Variants in DLGAP2 observed in about 807,000 individuals in gnomAD.
DLGAP2 encodes disks large-associated protein 2.
Under a neutral mutation model 100.3 loss-of-function variants are expected in DLGAP2, and 26 were observed. That is an observed-to-expected ratio of 0.26 (90% CI 0.19 to 0.36). DLGAP2 has a LOEUF of 0.36. Ranked by LOEUF, DLGAP2 falls within the 10% of genes least tolerant of loss-of-function variation. The probability of loss-of-function intolerance (pLI) is 1.00; values close to 1 mark genes in which losing one functional copy is unlikely to be tolerated. For synonymous variants in DLGAP2, 886 were observed against 630.1 expected (o/e 1.41, Z -6.08); for missense variants, 1,858 against 1,453.2 (o/e 1.28, Z -4.53).
intron 5 of DLGAP2, among the ~76,000 whole-genome samples, chr8:1,557,681 C>T (rs1017259627): frequency 6.6e-5 from 10 of 152,138 alleles, no homozygotes; most frequent in East Asian, 5.8e-4. Flanking sequence ...TGCCCAAGAC[C>T]GTGGAGTCCC....
At chr8:1,171,267 T>C (rs1585119648) in intron 2 of DLGAP2, among the ~76,000 whole-genome samples, 1 of 152,206 alleles carries the variant, frequency 6.6e-6, no homozygotes, top group East Asian at 1.9e-4. Flanking sequence ...TAATTTCTGT[T>C]CTTTTACATG....
rs529166994 is a variant in DLGAP2, at chr8:898,988, C to T, written c.19-8924C>T. Reference sequence around the variant, plus strand: ...CTGCCCCAGAACTCCTGCGTGGGTCCAGCAGAAGGTGTTTAACAAGCCCCC... The same window carrying T: ...CTGCCCCAGAACTCCTGCGTGGGTCTAGCAGAAGGTGTTTAACAAGCCCCC... On this transcript the variant is annotated intron_variant, in intron 1 of 14. Transcript: ENST00000637795. Among the ~76,000 whole-genome samples, 3 of 152,356 alleles carry T rather than the reference C, an allele frequency of 2.0e-5. No individual in the cohort carries two copies. The South Asian group carries it at 6.2e-4, about 32-fold the overall frequency.
At chr8:1,256,006 G>A (rs77225310) in intron 2 of DLGAP2, among the ~76,000 whole-genome samples, 3,545 of 119,474 alleles carry the variant, frequency 0.03, 271 homozygotes, top group African/African-American at 0.11. Flanking sequence ...TCCTGCCTGG[G>A]TGCTGTGTGT....
intron 4 of DLGAP2, among the ~76,000 whole-genome samples, chr8:1,519,680 A>C (rs569626114): frequency 6.6e-6 from 1 of 152,364 alleles, no homozygotes; most frequent in Non-Finnish European, 1.5e-5. Flanking sequence ...AGAAAAGTCC[A>C]GAACTCATTG....
intron 2 of DLGAP2, among the ~76,000 whole-genome samples, chr8:1,000,202 C>A (rs12680825): frequency 4.2e-5 from 5 of 119,496 alleles, no homozygotes; most frequent in Non-Finnish European, 1.9e-5. Context: ...TTCTTTTGCA[C>A]TGGATTTTCT....
chr8:1,276,876 A>T (rs1319539511), intron 3 of DLGAP2, among the ~76,000 whole-genome samples: 1 of 152,200 alleles, frequency 6.6e-6, no homozygotes, highest in Non-Finnish European at 1.5e-5. Flanking sequence ...TTAAGTTTTC[A>T]TGTTGTGGCA....
chr8:834,177 T>C (rs1336807471), intron 1 of DLGAP2, among the ~76,000 whole-genome samples: 1 of 152,218 alleles, frequency 6.6e-6, no homozygotes, highest in East Asian at 1.9e-4. Context: ...TCTCCACTCA[T>C]GGAAGAAGCG....
At chr8:1,302,572 C>T (rs1257826730) in intron 3 of DLGAP2, 1 of 152,268 alleles carries the variant, frequency 6.6e-6, no homozygotes, top group Non-Finnish European at 1.5e-5. Context: ...AGTTCCCGAG[C>T]TCTGCTCCAT....
At chr8:1,502,140 C>G (rs1799743300) in intron 4 of DLGAP2, among the ~76,000 whole-genome samples, 2 of 152,198 alleles carry the variant, frequency 1.3e-5, no homozygotes, top group Non-Finnish European at 2.9e-5. Flanking sequence ...GTGGCTCTGT[C>G]TGTGGTTATT....
At chr8:1,246,055 A>G (rs910572469) in intron 2 of DLGAP2, among the ~76,000 whole-genome samples, 6 of 152,210 alleles carry the variant, frequency 3.9e-5, no homozygotes, top group Non-Finnish European at 7.3e-5. Context: ...TTTATGTACT[A>G]TCAGTGTCTA....
intron 2 of DLGAP2, among the ~76,000 whole-genome samples, chr8:1,144,501 A>G (rs1178974771): frequency 6.6e-6 from 1 of 152,226 alleles, no homozygotes; most frequent in Admixed American, 6.5e-5. Context: ...CTTTGACTGG[A>G]CGTTGCAAAC....
In DLGAP2 at chr8:1,706,775, G is replaced by C. The variant is rs930438567; in HGVS notation, c.*5369G>C. On this transcript the variant is annotated 3_prime_UTR_variant, in exon 15 of 15. Transcript: ENST00000637795. ...AAACCGCATGGGTGGGGAAACATCA[G>C]GAACGAAATCAGACACACTGACTCA... The C allele has an allele frequency of 6.6e-6, 1 of 152,180 alleles. No individual in the cohort carries two copies. 9.4% of individuals were successfully genotyped at this position (152,180 alleles called of 1,614,324 possible).
intron 5 of DLGAP2, among the ~76,000 whole-genome samples, chr8:1,560,993 G>A (rs1456478928): frequency 1.3e-5 from 2 of 152,132 alleles, no homozygotes; most frequent in Non-Finnish European, 2.9e-5. Flanking sequence ...TTGCCTGGCA[G>A]CTCCCATAAT....
chr8:1,191,437 G>A (rs11991035), intron 2 of DLGAP2, among the ~76,000 whole-genome samples: 38,442 of 152,058 alleles, frequency 0.25, 5,346 homozygotes, highest in African/African-American at 0.36. Context: ...CCCAAAGTGC[G>A]GGGATTATAG....
At chr8:1,651,063 A>G (rs59715571) in intron 8 of DLGAP2, among the ~76,000 whole-genome samples, 17,802 of 152,150 alleles carry the variant, frequency 0.12, 1,400 homozygotes, top group African/African-American at 0.23. Flanking sequence ...AATATGGGGA[A>G]CTGTGCTAAC....
At chr8:989,006 G>C (rs1467810667) in intron 2 of DLGAP2, among the ~76,000 whole-genome samples, 1 of 152,144 alleles carries the variant, frequency 6.6e-6, no homozygotes, top group Non-Finnish European at 1.5e-5. Flanking sequence ...GCCTCCGCTC[G>C]CGGCTCCCTG....
rs527458062 is a variant in DLGAP2, at chr8:1,338,887, G to C, written c.106+80004G>C. On this transcript the variant is annotated intron_variant, in intron 3 of 14. Coordinates refer to ENST00000637795, the MANE Select transcript of DLGAP2 (RefSeq NM_001346810.2). ...CAGTGAGGCGTCAGGACCTGGCAGG[G>C]AATGCAGTGACCTCAGTGAGGCGTC... Among the ~76,000 whole-genome samples the C allele has an allele frequency of 9.9e-3, 1,354 of 136,762 alleles. 179 individuals are homozygous for C. The highest frequency in any genetic ancestry group is 0.043 in the African/African-American group (1,261 of 29,024). 89.7% of individuals were successfully genotyped at this position (136,762 alleles called of 152,430 possible). A position where few individuals can be genotyped will look rare whatever the true frequency, so the allele number is the denominator to read the frequency against.
chr8:1,123,864 G>C (rs1387665082), intron 2 of DLGAP2, among the ~76,000 whole-genome samples: 1 of 151,938 alleles, frequency 6.6e-6, no homozygotes, highest in Admixed American at 6.6e-5. Context: ...TTTCCTGTTT[G>C]CCTAAAAATT....
intron 14 of DLGAP2, among the ~76,000 whole-genome samples, chr8:1,698,919 T>A (rs1473327257): frequency 6.6e-6 from 1 of 151,790 alleles, no homozygotes; most frequent in African/African-American, 2.4e-5. Context: ...AAGCCATGCA[T>A]GGGACTAGGC....
Sources: allele counts gnomAD v4.1 joint callset (sites outside exome capture counted in the v4.1 genomes callset), GRCh38; gene constraint gnomAD v4.1.1; transcripts MANE v1.5; gene names NCBI Gene and HGNC (gene_info 2026-07-23, HGNC 2026-07-21).